ATPAF2: variants seen among roughly 807,000 people sequenced by gnomAD.
ATPAF2 encodes ATP synthase mitochondrial F1 complex assembly factor 2.
ATPAF2 carries 30 observed loss-of-function variants against 36.6 expected under a neutral mutation model. The observed-to-expected ratio is 0.82, with a 90% CI of 0.61 to 1.11. The LOEUF (loss-of-function observed/expected upper bound fraction) is 1.11. Among genes scored for constraint, ATPAF2 ranks in the 50% most tolerant of loss-of-function variants. The pLI is 0.00. For missense variants in ATPAF2, 321 were observed against 372.3 expected, an observed-to-expected ratio of 0.86 and a Z score of 1.13; for synonymous variants, 140 against 152.6, an observed-to-expected ratio of 0.92 and a Z score of 0.61.
chr17:18,032,115 C>G (rs1478482579), intron 1 of ATPAF2, among the ~76,000 whole-genome samples: 1 of 152,218 alleles, frequency 6.6e-6, no homozygotes, highest in Non-Finnish European at 1.5e-5. Flanking sequence ...TCTGAAAGCT[C>G]TGACTCAACA....
chr17:18,024,716 T>G lies in ATPAF2; in HGVS notation c.423-12A>C. ...CCTCCACCCTGTAGCTAATTCATTG[T>G]AAAAATAACCTTCATTAATAAAAAA... On this transcript the variant is annotated splice_polypyrimidine_tract_variant and intron_variant, in intron 4 of 7. Coordinates refer to ENST00000474627, the MANE Select transcript of ATPAF2 (RefSeq NM_145691.4). 6.2e-7 allele frequency: 1 copy of G among 1,607,790 alleles called. No individual in the cohort carries two copies. Among genetic ancestry groups the G allele is most frequent in the South Asian group, 1.1e-5 (1 of 90,976 alleles).
At chr17:18,024,949 G>T (rs774491387) in intron 4 of ATPAF2, 2 of 528,322 alleles carry the variant, frequency 3.8e-6, no homozygotes, top group South Asian at 2.0e-5. Context: ...CTGGAGGGGG[G>T]CCCAGCAATC....
rs747228564 is a variant in ATPAF2 at position 18,021,128 on chromosome 17, ACTC to A, written c.724_726del (p.Glu242del). The A allele has an allele frequency of 2.5e-6, 4 of 1,612,668 alleles. No individual in the cohort carries two copies. The highest frequency in any genetic ancestry group is 1.7e-5 in the Admixed American group (1 of 59,886). On this transcript the variant is annotated inframe_deletion, in exon 7 of 8. Transcript: ENST00000474627. ...CCTGAGGTGCTGCTCCTCACCTGGT[ACTC>A]CTCCTCCAGGCGTGACAGCAGCACG... is the stretch of plus-strand genomic sequence containing the variant.
At chr17:18,025,866 A>G (rs2044537509) in intron 4 of ATPAF2, among the ~76,000 whole-genome samples, 1 of 152,230 alleles carries the variant, frequency 6.6e-6, no homozygotes, top group Admixed American at 6.5e-5. Context: ...TTGTTTCTCA[A>G]CTTTCCTTTG....
intron 1 of ATPAF2, among the ~76,000 whole-genome samples, chr17:18,034,130 C>T (rs773484462): frequency 3.3e-5 from 5 of 151,960 alleles, no homozygotes; most frequent in Non-Finnish European, 5.9e-5. Context: ...AAAACAACAA[C>T]AAATAACCCA....
At chr17:18,016,242 G>C, downstream of ATPAF2, 2 of 1,598,082 alleles carry the variant, frequency 1.3e-6, no homozygotes, top group South Asian at 2.2e-5. Flanking sequence ...AACTTTTCTA[G>C]CTGACATGGA....
At chr17:18,022,009 C>T in intron 5 of ATPAF2, 152 bp from the exon 6 acceptor site, 1 of 705,218 alleles carries the variant, frequency 1.4e-6, no homozygotes. Flanking sequence ...CCACCATGGT[C>T]AGTGGCCTCC....
intron 5 of ATPAF2, among the ~76,000 whole-genome samples, chr17:18,022,766 T>C (rs926505925): frequency 6.6e-6 from 1 of 151,784 alleles, no homozygotes; most frequent in African/African-American, 2.4e-5. Context: ...AAAAACACAA[T>C]GGGGGATAAA....
chr17:18,030,538 A>T (rs993834803), intron 1 of ATPAF2, among the ~76,000 whole-genome samples: 1 of 149,944 alleles, frequency 6.7e-6, no homozygotes, highest in Non-Finnish European at 1.5e-5. Flanking sequence ...AAAAAAAACA[A>T]GCTTAAGTTA....
chr17:18,016,057 T>A (rs1252484272), downstream of ATPAF2: 1 of 1,613,016 alleles, frequency 6.2e-7, no homozygotes, highest in African/African-American at 1.3e-5. Context: ...TTCTTTTCAC[T>A]CACCAGCTTT....
intron 7 of ATPAF2, 44 bp from the exon 8 acceptor site, chr17:18,018,730 C>T: frequency 1.2e-6 from 2 of 1,613,304 alleles, no homozygotes; most frequent in South Asian, 1.1e-5. Context: ...TGGCCAGTGC[C>T]TGGCTGCCTC....
downstream of ATPAF2, chr17:18,015,894 A>G (rs111727423): frequency 9.2e-5 from 63 of 683,258 alleles, no homozygotes; most frequent in African/African-American, 9.0e-4. Flanking sequence ...CGGCTGTCAC[A>G]GATGAATTCA....
chr17:18,029,598 A>T (rs191553138), intron 1 of ATPAF2, among the ~76,000 whole-genome samples: 83 of 149,408 alleles, frequency 5.6e-4, no homozygotes, highest in African/African-American at 1.3e-3. Context: ...TTTTATTATT[A>T]TTTTTTTTTT....
intron 1 of ATPAF2, among the ~76,000 whole-genome samples, 162 bp downstream of exon 1, chr17:18,038,719 C>T (rs941745945): frequency 6.6e-6 from 1 of 152,224 alleles, no homozygotes; most frequent in Admixed American, 6.5e-5. Flanking sequence ...GTCGTCTGCC[C>T]TTGTCTGGGC....
At chr17:18,035,556 T>A (rs1356303735) in intron 1 of ATPAF2, among the ~76,000 whole-genome samples, 2 of 152,212 alleles carry the variant, frequency 1.3e-5, no homozygotes, top group Admixed American at 1.3e-4. Flanking sequence ...AATAAAGCTG[T>A]TAAAAAAATC....
At chr17:18,021,314 C>T in intron 6 of ATPAF2, 76 bp from the exon 7 acceptor site, 1 of 1,124,878 alleles carries the variant, frequency 8.9e-7, no homozygotes, top group Non-Finnish European at 1.3e-6. Context: ...TCCCAGCAGC[C>T]CTAGCAGAGA....
At chr17:18,036,929 C>T (rs142014497) in intron 1 of ATPAF2, among the ~76,000 whole-genome samples, 12 of 151,628 alleles carry the variant, frequency 7.9e-5, no homozygotes, top group Admixed American at 7.9e-4. Context: ...AAATTAGCCA[C>T]GTGTGGTGGC....
At position 18,021,235 on chromosome 17, in the gene ATPAF2, A is replaced by G. The variant is rs945867816; in HGVS notation, c.620T>C (p.Ile207Thr). The G allele has an allele frequency of 5.0e-6, 8 of 1,612,328 alleles. No individual in the cohort carries two copies. Among genetic ancestry groups the G allele is most frequent in the Admixed American group, 3.3e-5 (2 of 59,818 alleles). Residue 207 changes from isoleucine (I) to threonine (T), a missense_variant, in exon 7 of 8, where the codon ATT (isoleucine) becomes ACT (threonine). This residue lies in a region of ATPAF2 where 199 missense variants were observed against 220.6 expected (regional missense o/e 0.90). Coordinates refer to ENST00000474627, the MANE Select transcript of ATPAF2 (RefSeq NM_145691.4). Reference protein sequence around the residue: ...ASYNTWALQGIEFVAAQLKSM... With the variant: ...ASYNTWALQGTEFVAAQLKSM... ...CTTGAGCTGGGCAGCTACAAACTCA[A>G]TCCCTGCAGGGACACAAGCCAAGTC... is the stretch of plus-strand genomic sequence containing the variant.
chr17:18,028,596 CA>C lies in ATPAF2; in HGVS notation c.178+18del. 1.3e-6 allele frequency: 2 copies of C among 1,560,860 alleles called. No homozygotes were observed. The highest frequency in any genetic ancestry group is 1.2e-5 in the South Asian group (1 of 85,494). On this transcript the variant is annotated intron_variant, in intron 2 of 7. Coordinates refer to ENST00000474627, the MANE Select transcript of ATPAF2 (RefSeq NM_145691.4). ...AAAAAAAAAAAAAAAAAGAGGCAGT[CA>C]AAATTTCAGACACTCACCTTCACCC...
Sources: allele counts gnomAD v4.1 joint callset (sites outside exome capture counted in the v4.1 genomes callset), GRCh38; gene constraint gnomAD v4.1.1; regional missense constraint gnomAD v4.1.1; transcripts MANE v1.5; gene names NCBI Gene and HGNC (gene_info 2026-07-23, HGNC 2026-07-21).